PYM1: variants seen among roughly 807,000 people sequenced by gnomAD.
PYM1 encodes partner of Y14 and mago.
PYM1 carries 7 observed loss-of-function variants against 20.7 expected under a neutral mutation model. The ratio of observed to expected loss-of-function variants is 0.34; its 90% confidence interval spans 0.19 to 0.64. The LOEUF (loss-of-function observed/expected upper bound fraction) is 0.64, where lower values mean the gene tolerates loss of function less well. Among genes scored for constraint, PYM1 ranks in the 30% least tolerant of loss-of-function variants. The probability of loss-of-function intolerance (pLI) is 0.74; values close to 1 mark genes in which losing one functional copy is unlikely to be tolerated. For missense variants in PYM1, 194 were observed against 250.0 expected, an observed-to-expected ratio of 0.78 and a Z score of 1.51; for synonymous variants, 100 against 99.2, an observed-to-expected ratio of 1.01 and a Z score of -0.05.
intron 2 of PYM1, 127 bp from the exon 3 acceptor site, chr12:55,902,482 G>A: frequency 2.2e-6 from 3 of 1,373,896 alleles, no homozygotes; most frequent in East Asian, 2.4e-5. Flanking sequence ...TTTTTGTGGG[G>A]TTGTTTGTTT....
chr12:55,920,530 C>T (rs1883080036), intron 1 of PYM1, among the ~76,000 whole-genome samples: 1 of 150,704 alleles, frequency 6.6e-6, no homozygotes, highest in Non-Finnish European at 1.5e-5. Flanking sequence ...TCCAGCTACT[C>T]GGGAGGCTGA....
At chr12:55,927,427 G>A in intron 1 of PYM1, 2 of 707,806 alleles carry the variant, frequency 2.8e-6, no homozygotes, top group Non-Finnish European at 5.1e-6. Flanking sequence ...GGACCTGCGA[G>A]GGAAAAGGGC....
chr12:55,919,685 G>A (rs919948360), intron 1 of PYM1, among the ~76,000 whole-genome samples: 3 of 151,820 alleles, frequency 2.0e-5, no homozygotes, highest in Non-Finnish European at 2.9e-5. Context: ...ATCACCTGAG[G>A]TCAGGAGTTC....
chr12:55,923,487 G>A (rs1334711532), intron 1 of PYM1, among the ~76,000 whole-genome samples: 1 of 149,722 alleles, frequency 6.7e-6, no homozygotes, highest in Non-Finnish European at 1.5e-5. Context: ...GATCACTTGA[G>A]CCCAGAAGTT....
chr12:55,926,887 A>G (rs1791676819), intron 1 of PYM1, among the ~76,000 whole-genome samples: 1 of 152,204 alleles, frequency 6.6e-6, no homozygotes. Context: ...GACCGGAAGC[A>G]GAGACCCCAA....
chr12:55,905,222 A>G (rs1882774622), intron 1 of PYM1, among the ~76,000 whole-genome samples: 1 of 149,012 alleles, frequency 6.7e-6, no homozygotes, highest in Non-Finnish European at 1.5e-5. Context: ...TGTTAGCCAG[A>G]ATGGTCTCAA....
At chr12:55,902,917 GCCA>G (rs1451566237) in intron 2 of PYM1, among the ~76,000 whole-genome samples, 7 of 152,176 alleles carry the variant, frequency 4.6e-5, no homozygotes, top group Non-Finnish European at 8.8e-5. Context: ...ACAGGCTCGT[GCCA>G]CCACGCCTGG....
At chr12:55,905,526 ACCCTGTC>A (rs1342388452) in intron 1 of PYM1, among the ~76,000 whole-genome samples, 1 of 148,794 alleles carries the variant, frequency 6.7e-6, no homozygotes, top group African/African-American at 2.5e-5. Context: ...ATATGACAAA[ACCCTGTC>A]TCTACTAAAA....
At position 55,927,786 on chromosome 12, in the gene PYM1, TGGGCGGGC is replaced by T; in HGVS notation, c.-33_-26del. The T allele has an allele frequency of 6.5e-7, 1 of 1,537,046 alleles. No homozygotes were observed. The highest frequency in any genetic ancestry group is 8.7e-7 in the Non-Finnish European group (1 of 1,145,606). On this transcript the variant is annotated 5_prime_UTR_variant, in exon 1 of 3. Transcript: ENST00000408946. The stretch of plus-strand genomic sequence containing the variant: ...TGGCCGAAGAGGCAGCGGACCAGGT[TGGGCGGGC>T]GGCCCTGGCCTGGCTCTGCCCCGCT...
intron 1 of PYM1, among the ~76,000 whole-genome samples, chr12:55,925,787 A>G (rs777927726): frequency 2.0e-5 from 3 of 152,230 alleles, no homozygotes; most frequent in African/African-American, 4.8e-5. Context: ...GTAAGATGTG[A>G]TACCTGGATT....
intron 1 of PYM1, among the ~76,000 whole-genome samples, chr12:55,925,891 C>T (rs1034285670): frequency 3.0e-4 from 46 of 152,112 alleles, no homozygotes; most frequent in African/African-American, 1.1e-3. Flanking sequence ...GTTGGTAATT[C>T]ATGAAGGAGC....
chr12:55,906,937 C>T (rs866263755), intron 1 of PYM1, among the ~76,000 whole-genome samples: 5 of 151,954 alleles, frequency 3.3e-5, no homozygotes, highest in East Asian at 1.9e-4. Flanking sequence ...TGTGAGCCAC[C>T]GCACCCAGCC....
chr12:55,922,011 C>G (rs530927851), intron 1 of PYM1, among the ~76,000 whole-genome samples: 68 of 152,060 alleles, frequency 4.5e-4, no homozygotes, highest in Non-Finnish European at 7.8e-4. Context: ...GTAGCTGGGA[C>G]CACAGGTGTG....
intron 1 of PYM1, among the ~76,000 whole-genome samples, chr12:55,919,666 G>T (rs1252037038): frequency 6.6e-6 from 1 of 152,098 alleles, no homozygotes; most frequent in African/African-American, 2.4e-5. Flanking sequence ...GGGAGGCCAA[G>T]GCAGGCAGAT....
At chr12:55,910,851 G>A (rs1312519025) in intron 1 of PYM1, among the ~76,000 whole-genome samples, 1 of 152,182 alleles carries the variant, frequency 6.6e-6, no homozygotes, top group Non-Finnish European at 1.5e-5. Flanking sequence ...CCAGGCTATA[G>A]GTAAATTTAA....
At chr12:55,903,285 T>C (rs1882727725) in intron 2 of PYM1, 102 bp downstream of exon 2, 1 of 1,014,676 alleles carries the variant, frequency 9.9e-7, no homozygotes, top group South Asian at 1.6e-5. Context: ...TCCATTTCCT[T>C]GGGGCTTAGG....
At chr12:55,920,469 C>A (rs1883078928) in intron 1 of PYM1, among the ~76,000 whole-genome samples, 1 of 151,840 alleles carries the variant, frequency 6.6e-6, no homozygotes, top group Non-Finnish European at 1.5e-5. Flanking sequence ...AAAACACCAT[C>A]TCTACTAAAA....
At chr12:55,922,965 C>T (rs1260126486) in intron 1 of PYM1, among the ~76,000 whole-genome samples, 2 of 152,168 alleles carry the variant, frequency 1.3e-5, no homozygotes, top group African/African-American at 4.8e-5. Context: ...GTGGCTCACA[C>T]CTGTAATCCC....
chr12:55,913,696 T>TA (rs2136263467), intron 1 of PYM1: 1 of 152,366 alleles, frequency 6.6e-6, no homozygotes, highest in East Asian at 1.9e-4. Context: ...TCCAAAGACT[T>TA]ACCAAGATGT....
Sources: gnomAD v4.1 joint callset for allele counts (sites outside exome capture counted in the v4.1 genomes callset) on GRCh38, gnomAD v4.1.1 for gene constraint, MANE v1.5 for transcripts, NCBI Gene and HGNC (gene_info 2026-07-23, HGNC 2026-07-21) for gene names.